Variants in VBP1 observed in about 807,000 individuals in gnomAD.
The protein encoded by VBP1 is prefoldin subunit 3.
A neutral mutation model predicts 15.5 loss-of-function variants in VBP1; 4 were observed. The ratio of observed to expected loss-of-function variants is 0.26; its 90% CI spans 0.13 to 0.59. The LOEUF (loss-of-function observed/expected upper bound fraction) is 0.59, where lower values mean the gene tolerates loss of function less well. Among genes scored for constraint, VBP1 ranks in the 20% least tolerant of loss-of-function variants. The pLI, the probability that VBP1 is intolerant of heterozygous loss-of-function variation, is 0.90. For synonymous variants in VBP1, 61 were observed against 52.1 expected (o/e 1.17, Z -0.74); for missense variants, 108 against 139.6 (o/e 0.77, Z 1.14).
intron 4 of VBP1, among the ~76,000 whole-genome samples, chrX:155,233,876 A>G (rs1319719237): frequency 1.8e-5 from 2 of 110,803 alleles, no homozygotes; most frequent in Non-Finnish European, 3.8e-5. Context: ...ACTTTTCTAT[A>G]TGTATATAAT....
At chrX:155,224,241 C>T (rs2074708086) in intron 2 of VBP1, among the ~76,000 whole-genome samples, 1 of 112,897 alleles carries the variant, frequency 8.9e-6, no homozygotes, top group Non-Finnish European at 1.9e-5. Flanking sequence ...TTTGGGAGGC[C>T]AAGGCAGGCG....
At chrX:155,232,435 CA>C (rs1235923710) in intron 4 of VBP1, among the ~76,000 whole-genome samples, 2 of 111,406 alleles carry the variant, frequency 1.8e-5, no homozygotes, top group African/African-American at 6.5e-5. Flanking sequence ...AATCTGCAAA[CA>C]TTTTTTTCCT....
At chrX:155,227,369 C>A in intron 3 of VBP1, 68 bp downstream of exon 3, 1 of 805,402 alleles carries the variant, frequency 1.2e-6, no homozygotes. Flanking sequence ...TCTTCTTTGA[C>A]TCTTTGGTCA....
intron 1 of VBP1, among the ~76,000 whole-genome samples, chrX:155,202,464 A>G (rs1328061995): frequency 9.0e-6 from 1 of 111,276 alleles, no homozygotes; most frequent in African/African-American, 3.3e-5. Flanking sequence ...CATATCTACA[A>G]CTATCTGATC....
At chrX:155,217,110 CTT>C (rs1244058019) in intron 1 of VBP1, among the ~76,000 whole-genome samples, 1 of 111,846 alleles carries the variant, frequency 8.9e-6, no homozygotes, top group African/African-American at 3.3e-5. Flanking sequence ...GTGTAAAGTC[CTT>C]CTGTGTCTTG....
At chrX:155,224,078 C>T (rs1179884460) in intron 2 of VBP1, among the ~76,000 whole-genome samples, 46 of 107,065 alleles carry the variant, frequency 4.3e-4, no homozygotes, top group Admixed American at 6.9e-4. Flanking sequence ...ACTTCCTAGA[C>T]GGGATGACGG....
intron 1 of VBP1, among the ~76,000 whole-genome samples, chrX:155,197,649 C>G (rs1385515040): frequency 8.9e-6 from 1 of 112,000 alleles, no homozygotes; most frequent in Non-Finnish European, 1.9e-5. Context: ...CGAATAGGAA[C>G]AGCTCCAGTC....
intron 1 of VBP1, among the ~76,000 whole-genome samples, chrX:155,204,068 T>C (rs1350827622): frequency 8.9e-6 from 1 of 112,259 alleles, no homozygotes; most frequent in Non-Finnish European, 1.9e-5. Context: ...TTGTTTTATT[T>C]AGGCTCTGCA....
chrX:155,224,383 C>T (rs377267498), intron 2 of VBP1, among the ~76,000 whole-genome samples: 73 of 112,741 alleles, frequency 6.5e-4, no homozygotes, highest in Non-Finnish European at 1.1e-3. Context: ...GCAGATCACT[C>T]GCGGTCAGGA....
At chrX:155,222,255 G>A (rs1275278837) in intron 2 of VBP1, among the ~76,000 whole-genome samples, 1 of 112,414 alleles carries the variant, frequency 8.9e-6, no homozygotes, top group African/African-American at 3.2e-5. Flanking sequence ...AGGCCAAGGT[G>A]GGCGGATCGC....
rs782097687 is a variant in VBP1, at chrX:155,208,953, G to A, written c.50G>A (p.Ser17Asn). Reference sequence around the variant, plus strand: ...ACCCAGCAAGGCCTAAGGACCAGTAGTCCTTCCACTCCATCCCCAGAGCAT... The same window carrying A: ...ACCCAGCAAGGCCTAAGGACCAGTAATCCTTCCACTCCATCCCCAGAGCAT... Residue 17 changes from serine (S) to asparagine (N), a missense_variant, in exon 2 of 7, where the codon AGT (serine) becomes AAT (asparagine). By Grantham distance (46) the Ser-to-Asn change is conservative (BLOSUM62 1). Transcript: ENST00000535916. The A allele has an allele frequency of 1.0e-4, 121 of 1,153,181 alleles. 1 individual carries two copies. The South Asian group carries it at 1.4e-3, about 13-fold the overall frequency.
At chrX:155,211,422 T>A (rs1299975826) in intron 2 of VBP1, among the ~76,000 whole-genome samples, 3 of 111,718 alleles carry the variant, frequency 2.7e-5, no homozygotes, top group African/African-American at 9.8e-5. Flanking sequence ...TAAATAATGA[T>A]CAGTTATCAA....
upstream of VBP1, chrX:155,216,352 T>G (rs2074662764): frequency 9.0e-7 from 1 of 1,106,144 alleles, no homozygotes; most frequent in Admixed American, 3.0e-5. Context: ...CGGGGACTTG[T>G]GGGGGACGCT....
intron 3 of VBP1, 88 bp from the exon 4 acceptor site, chrX:155,228,296 C>T: frequency 1.4e-6 from 1 of 698,234 alleles, no homozygotes. Flanking sequence ...TTTAAATGTC[C>T]TAGGTTCAAC....
chrX:155,233,082 A>AC (rs2074754852), intron 4 of VBP1, among the ~76,000 whole-genome samples: 2 of 112,365 alleles, frequency 1.8e-5, no homozygotes, highest in African/African-American at 6.5e-5. Flanking sequence ...ATAGCAAATT[A>AC]CCACAAACTC....
upstream of VBP1, among the ~76,000 whole-genome samples, chrX:155,214,747 G>GTTTT (rs2074656112): frequency 1.8e-3 from 23 of 12,924 alleles, no homozygotes; most frequent in South Asian, 0.069. Context: ...GCAAGAGGAA[G>GTTTT]GTTTTTTTTT....
chrX:155,220,585 T>A (rs957626783), intron 2 of VBP1, among the ~76,000 whole-genome samples: 24 of 111,628 alleles, frequency 2.1e-4, no homozygotes, highest in African/African-American at 7.8e-4. Context: ...TAACGTCTTA[T>A]ATGTCTAGTT....
chrX:155,218,417 A>T (rs2074674683), intron 1 of VBP1, among the ~76,000 whole-genome samples: 1 of 112,070 alleles, frequency 8.9e-6, no homozygotes. Flanking sequence ...AACAGAGAAC[A>T]TGCTTGCAGT....
rs1557312052 is a variant in VBP1 at position 155,239,812 on chromosome X, A to T, written c.*970A>T. On this transcript the variant is annotated 3_prime_UTR_variant, in exon 6 of 6. Coordinates refer to ENST00000286428, the MANE Select transcript of VBP1 (RefSeq NM_003372.7). ...TCATGAAATTAAAACAGTGATGCTA[A>T]AACTATGGCAGAGCACTTTTTTCAT... is the stretch of plus-strand genomic sequence containing the variant. 1.8e-5 allele frequency: 2 copies of T among 112,199 alleles called. No homozygotes were observed. The highest frequency in any genetic ancestry group is 6.5e-5 in the African/African-American group (2 of 30,864). 9.2% of individuals were successfully genotyped at this position (112,199 alleles called of 1,213,427 possible).
Sources: gnomAD v4.1 joint callset for allele counts (sites outside exome capture counted in the v4.1 genomes callset) on GRCh38, gnomAD v4.1.1 for gene constraint, MANE v1.5 for transcripts, NCBI Gene and HGNC (gene_info 2026-07-23, HGNC 2026-07-21) for gene names.